The following CEP128 variants were observed in gnomAD, a reference collection of about 807,000 sequenced individuals.
The protein encoded by CEP128 is centrosomal protein 128.
A neutral mutation model predicts 156.7 loss-of-function variants in CEP128; 132 were observed. That is an observed-to-expected ratio of 0.84 (90% CI 0.73 to 0.97). The LOEUF (loss-of-function observed/expected upper bound fraction) is 0.97, where lower values mean the gene tolerates loss of function less well. Ranked by LOEUF, CEP128 falls within the 50% of genes least tolerant of loss-of-function variation. The pLI is 0.00. For synonymous variants in CEP128, 469 were observed against 448.9 expected, an observed-to-expected ratio of 1.04 and a Z score of -0.57; for missense variants, 1,252 against 1,281.9, an observed-to-expected ratio of 0.98 and a Z score of 0.36.
chr14:80,629,104 C>T (rs961136756), intron 19 of CEP128, among the ~76,000 whole-genome samples: 1 of 150,744 alleles, frequency 6.6e-6, no homozygotes, highest in Non-Finnish European at 1.5e-5. Flanking sequence ...AGATTTCAGG[C>T]CAATACAATA....
At chr14:80,521,866 T>G (rs928619291) in intron 23 of CEP128, among the ~76,000 whole-genome samples, 7 of 152,226 alleles carry the variant, frequency 4.6e-5, no homozygotes, top group Non-Finnish European at 1.0e-4. Flanking sequence ...AGTGTTCACC[T>G]ACAGTTTTAC....
intron 19 of CEP128, among the ~76,000 whole-genome samples, chr14:80,699,043 G>A (rs1230381010): frequency 1.3e-5 from 2 of 152,166 alleles, no homozygotes. Flanking sequence ...GAGAGGGAGA[G>A]AAATAATGTC....
At chr14:80,843,383 G>A (rs1886436651) in intron 9 of CEP128, among the ~76,000 whole-genome samples, 1 of 152,024 alleles carries the variant, frequency 6.6e-6, no homozygotes, top group South Asian at 2.1e-4. Context: ...TGCTACAGTT[G>A]CACACCTTTG....
chr14:80,512,228 ATT>A (rs1420703601), intron 23 of CEP128, among the ~76,000 whole-genome samples: 36 of 152,126 alleles, frequency 2.4e-4, no homozygotes, highest in African/African-American at 8.7e-4. Context: ...CTCCAATAAT[ATT>A]GGCTTTATAT....
chr14:80,542,879 A>G (rs1889826686), intron 21 of CEP128, among the ~76,000 whole-genome samples: 1 of 152,180 alleles, frequency 6.6e-6, no homozygotes, highest in Admixed American at 6.6e-5. Flanking sequence ...TGATTTATTT[A>G]AAAGCGCCTT....
chr14:80,636,036 C>A (rs1347720977), intron 19 of CEP128, among the ~76,000 whole-genome samples: 1 of 152,022 alleles, frequency 6.6e-6, no homozygotes, highest in East Asian at 1.9e-4. Context: ...TTAAAAAATC[C>A]CAAATCTGAA....
At chr14:80,839,522 C>T (rs1886249899) in intron 10 of CEP128, among the ~76,000 whole-genome samples, 2 of 151,908 alleles carry the variant, frequency 1.3e-5, no homozygotes, top group Admixed American at 6.6e-5. Context: ...CACACACACA[C>T]AAATACAAAT....
rs1232907238 is a variant in CEP128 at position 80,740,109 on chromosome 14, C to T, written c.2806+2966G>A. Among the ~76,000 whole-genome samples, 7 of 150,880 alleles carry T rather than the reference C, an allele frequency of 4.6e-5. No individual in the cohort carries two copies. The East Asian group carries it at 7.8e-4, about 17-fold the overall frequency. On this transcript the variant is annotated intron_variant, in intron 19 of 24. Transcript: ENST00000555265. The stretch of plus-strand genomic sequence containing the variant: ...CTTTTGGAAGAGTGATTTTTTTTTT[C>T]ACTAAATATTAGTATTATGGCTCCC...
chr14:80,810,154 T>C lies in CEP128; in HGVS notation c.1210-17044A>G, dbSNP rs1287473215. On this transcript the variant is annotated intron_variant, in intron 13 of 24. Transcript: ENST00000555265. ...CTGGCTAACACAGTGAAACCCCGTC[T>C]TTACTAAAAATACAAAAAATAAGCC... 2.0e-5 allele frequency among the ~76,000 whole-genome samples: 3 copies of C among 150,884 alleles called. No homozygotes were observed. In the East Asian group the frequency reaches 5.8e-4, roughly 29 times the overall value.
chr14:80,729,058 G>GGTGTGTGTGTGTGTGTGTGTGTGT lies in CEP128; in HGVS notation c.2806+13993_2806+14016dup, dbSNP rs559470308. On this transcript the variant is annotated intron_variant, in intron 19 of 24. Coordinates refer to ENST00000555265, the MANE Select transcript of CEP128 (RefSeq NM_152446.5). ...CCTAGTCCCAGGCTGGGCTGGTGGGGGTGTGTGTGTGTGTGTGTGTGTGTG... is the reference window on the plus strand; with the variant it reads ...CCTAGTCCCAGGCTGGGCTGGTGGGGGTGTGTGTGTGTGTGTGTGTGTGTGTGTGTGTGTGTGTGTGTGTGTGTG... Among the ~76,000 whole-genome samples, 80 of 105,040 alleles carry GGTGTGTGTGTGTGTGTGTGTGTGT rather than the reference G, an allele frequency of 7.6e-4. 3 individuals are homozygous for GGTGTGTGTGTGTGTGTGTGTGTGT. The highest frequency in any genetic ancestry group is 1.6e-3 in the East Asian group (5 of 3,200). The allele number at this position is 105,040 out of a possible 152,430, so 68.9% of individuals were successfully genotyped here. A position where few individuals can be genotyped will look rare whatever the true frequency, so the allele number is the denominator to read the frequency against.
chr14:80,729,376 G>A (rs1000733169), intron 19 of CEP128, among the ~76,000 whole-genome samples: 2 of 107,622 alleles, frequency 1.9e-5, no homozygotes, highest in Non-Finnish European at 3.9e-5. Flanking sequence ...GTATTCTATG[G>A]TATACATATA....
intron 7 of CEP128, among the ~76,000 whole-genome samples, chr14:80,899,126 A>G (rs1883379951): frequency 6.6e-6 from 1 of 152,146 alleles, no homozygotes; most frequent in African/African-American, 2.4e-5. Flanking sequence ...TAATGGTAGA[A>G]TTTTTCATTC....
intron 21 of CEP128, among the ~76,000 whole-genome samples, chr14:80,534,333 C>T (rs2140288471): frequency 6.6e-6 from 1 of 152,192 alleles, no homozygotes. Flanking sequence ...GCCAGAGAGA[C>T]AAGATCCATT....
chr14:80,759,608 A>C (rs1271542829), intron 17 of CEP128, among the ~76,000 whole-genome samples: 1 of 152,290 alleles, frequency 6.6e-6, no homozygotes, highest in South Asian at 2.1e-4. Context: ...AATGAAAAAA[A>C]TGTAGACTCT....
At chr14:80,794,808 G>A (rs529871828) in intron 13 of CEP128, among the ~76,000 whole-genome samples, 13 of 151,710 alleles carry the variant, frequency 8.6e-5, no homozygotes, top group Non-Finnish European at 1.8e-4. Context: ...TACCTAAAGG[G>A]GTCTATAGAC....
intron 9 of CEP128, among the ~76,000 whole-genome samples, chr14:80,855,626 A>G (rs1469540248): frequency 6.6e-6 from 1 of 152,092 alleles, no homozygotes; most frequent in Non-Finnish European, 1.5e-5. Flanking sequence ...TGATCAAACA[A>G]AAGTTTTACA....
intron 20 of CEP128, among the ~76,000 whole-genome samples, chr14:80,568,174 C>G (rs1416461365): frequency 6.6e-6 from 1 of 152,156 alleles, no homozygotes; most frequent in African/African-American, 2.4e-5. Flanking sequence ...ATGAGACTCC[C>G]TGAGGCTGAC....
chr14:80,923,040 G>C (rs1030623867), intron 2 of CEP128, among the ~76,000 whole-genome samples: 1 of 152,204 alleles, frequency 6.6e-6, no homozygotes, highest in Non-Finnish European at 1.5e-5. Context: ...AATCTCTAGA[G>C]AAGACTAAGA....
intron 19 of CEP128, among the ~76,000 whole-genome samples, chr14:80,712,538 G>T (rs1897451747): frequency 6.6e-6 from 1 of 152,164 alleles, no homozygotes. Context: ...CTGCACATGG[G>T]CTCTGGCAGC....
Sources: gnomAD v4.1 joint callset for allele counts (sites outside exome capture counted in the v4.1 genomes callset) on GRCh38, gnomAD v4.1.1 for gene constraint, MANE v1.5 for transcripts, NCBI Gene and HGNC (gene_info 2026-07-23, HGNC 2026-07-21) for gene names.